ADAMTSL2: variants seen among roughly 807,000 people sequenced by gnomAD.
The protein encoded by ADAMTSL2 is ADAMTS-like protein 2.
A neutral mutation model predicts 117.0 loss-of-function variants in ADAMTSL2; 55 were observed. The ratio of observed to expected loss-of-function variants is 0.47; its 90% confidence interval spans 0.38 to 0.59. The LOEUF (loss-of-function observed/expected upper bound fraction) is 0.59. Among genes scored for constraint, ADAMTSL2 ranks in the 20% least tolerant of loss-of-function variants. The probability of loss-of-function intolerance (pLI) is 0.00; values close to 1 mark genes in which losing one functional copy is unlikely to be tolerated. For synonymous variants in ADAMTSL2, 572 were observed against 566.4 expected, an observed-to-expected ratio of 1.01 and a Z score of -0.14; for missense variants, 1,182 against 1,354.5, an observed-to-expected ratio of 0.87 and a Z score of 2.00.
intron 12 of ADAMTSL2, among the ~76,000 whole-genome samples, chr9:133,562,432 G>A (rs1177276981): frequency 1.3e-5 from 2 of 151,242 alleles, no homozygotes; most frequent in Non-Finnish European, 3.0e-5. Context: ...GCGGCGTGGC[G>A]GGCACCCGGC....
At chr9:133,534,459 C>T (rs955325405), upstream of ADAMTSL2, 3 of 346,938 alleles carry the variant, frequency 8.6e-6, no homozygotes, top group Non-Finnish European at 5.1e-6. Flanking sequence ...GTCTGGACAC[C>T]CGACATGTGG....
chr9:133,570,366 GCTGGTGCT>G lies in ADAMTSL2; in HGVS notation c.2455_2462del (p.Val819HisfsTer82). ...CCTGCGGGCGCGGGGTCAAGAAGCGGCTGGTGCTCTGCATGGAGCTGGCCAACGGGAAG... is the reference window on the plus strand; with the variant it reads ...CCTGCGGGCGCGGGGTCAAGAAGCGGCTGCATGGAGCTGGCCAACGGGAAG... On this transcript the variant is annotated frameshift_variant, in exon 17 of 19. Coordinates refer to ENST00000651351, the MANE Select transcript of ADAMTSL2 (RefSeq NM_014694.4). LOFTEE classifies it high-confidence loss of function. 1 of 1,554,270 alleles carries G rather than the reference GCTGGTGCT, an allele frequency of 6.4e-7. No individual in the cohort carries two copies. Among genetic ancestry groups the G allele is most frequent in the East Asian group, 2.4e-5 (1 of 41,156 alleles).
At chr9:133,553,918 C>T (rs1830544971) in intron 9 of ADAMTSL2, among the ~76,000 whole-genome samples, 1 of 152,232 alleles carries the variant, frequency 6.6e-6, no homozygotes, top group Non-Finnish European at 1.5e-5. Flanking sequence ...TCCCACCTGG[C>T]CTGGGCAGTG....
At position 133,540,606 on chromosome 9, in the gene ADAMTSL2, G is replaced by A. The variant is rs1830194297; in HGVS notation, c.421G>A (p.Val141Ile). 5 of 1,613,526 alleles carry A rather than the reference G, an allele frequency of 3.1e-6. No individual in the cohort carries two copies. Among genetic ancestry groups the A allele is most frequent in the Non-Finnish European group, 4.2e-6 (5 of 1,180,022 alleles). The change falls in exon 6 of 19, where the codon GTC (valine) becomes ATC (isoleucine). Residue 141 changes from valine to isoleucine, a missense_variant. Val to Ile is a conservative substitution (Grantham distance 29). This residue lies in a region of ADAMTSL2 where 372 missense variants were observed against 463.4 expected (regional missense o/e 0.80). Coordinates refer to ENST00000651351, the MANE Select transcript of ADAMTSL2 (RefSeq NM_014694.4). ...QWKPLYPDDY[V>I]HISSKPCDLH... is the part of the protein sequence containing the mutation. ...TTGTCTCCCTCCACCAGATGACTAT[G>A]TCCACATCTCCAGCAAACCGTGTGA...
At position 133,539,844 on chromosome 9, in the gene ADAMTSL2, G is replaced by A. The variant is rs563057495; in HGVS notation, c.383G>A (p.Arg128Gln). The change falls in exon 5 of 19, where the codon CGG becomes CAG. Residue 128 changes from arginine to glutamine, a missense_variant. Transcript: ENST00000651351. ...TTCAACTCCCACGTGTACAACGGGC[G>A]GACGCACCAGTGGAAGCCTCTGTAC... ...VSFNSHVYNGRTHQWKPLYPD... is the reference protein window; with the variant it reads ...VSFNSHVYNGQTHQWKPLYPD... 3.2e-5 allele frequency: 50 copies of A among 1,551,020 alleles called. No individual in the cohort carries two copies. In the East Asian group the frequency reaches 3.9e-4, roughly 12 times the overall value.
chr9:133,536,434 C>A, intron 1 of ADAMTSL2, 129 bp from the exon 2 acceptor site: 1 of 1,336,574 alleles, frequency 7.5e-7, no homozygotes, highest in Non-Finnish European at 1.0e-6. Context: ...GCCCTTGGAT[C>A]AAGGGTGGCA....
Position 133,575,250 on chromosome 9 carries a change from C to G in ADAMTSL2, c.*386C>G, listed in dbSNP as rs1435700109. ...CCACGCCCTCTCTGGGTGGCAGGGC[C>G]TTCTGAAGGAAACTTGCAGGCGAGC... is the stretch of plus-strand genomic sequence containing the variant. On this transcript the variant is annotated 3_prime_UTR_variant, in exon 19 of 19. Transcript: ENST00000651351. The G allele has an allele frequency of 7.8e-6, 2 of 255,654 alleles. No homozygotes were observed. Among genetic ancestry groups the G allele is most frequent in the Non-Finnish European group, 1.5e-5 (2 of 130,092 alleles). 15.8% of individuals were successfully genotyped at this position (255,654 alleles called of 1,614,324 possible). A position where few individuals can be genotyped will look rare whatever the true frequency, so the allele number is the denominator to read the frequency against.
rs370480318 is a variant in ADAMTSL2 at position 133,554,491 on chromosome 9, C to T, written c.1074C>T (p.Ala358=). 1.6e-4 allele frequency: 245 copies of T among 1,551,122 alleles called. 1 individual carries two copies. Among genetic ancestry groups the T allele is most frequent in the Admixed American group, 1.4e-4 (7 of 51,214 alleles). Residue 358 remains alanine (A), a synonymous_variant, in exon 10 of 19, where the codon GCC becomes GCT. Transcript: ENST00000651351. This position sits in a 1 kb window ranked among gnomAD's most constrained non-coding sequence, Gnocchi z 5.2. ...ESAESQGLDG[A]GLMGFVPHNG... ...CTGAGAGCCAGGGCCTGGACGGGGC[C>T]GGGCTGATGGGCTTCGTCCCGCACA...
intron 12 of ADAMTSL2, among the ~76,000 whole-genome samples, chr9:133,562,508 G>A (rs1217690735): frequency 7.2e-6 from 1 of 139,674 alleles, no homozygotes; most frequent in Admixed American, 7.0e-5. Flanking sequence ...TCGCACCGCC[G>A]TGGGCGGCGT....
At chr9:133,542,508 C>T (rs1199855450) in intron 7 of ADAMTSL2, among the ~76,000 whole-genome samples, 1 of 152,194 alleles carries the variant, frequency 6.6e-6, no homozygotes, top group Non-Finnish European at 1.5e-5. Context: ...AGATAGGGCT[C>T]ATGTCCTCGT....
At chr9:133,565,041 C>T (rs1472233771) in intron 12 of ADAMTSL2, among the ~76,000 whole-genome samples, 1 of 152,114 alleles carries the variant, frequency 6.6e-6, no homozygotes, top group Admixed American at 6.5e-5. Flanking sequence ...TGAGTTTGGC[C>T]TCGGCTCAGG....
Position 133,540,642 on chromosome 9 carries a change from A to G in ADAMTSL2, c.457A>G (p.Thr153Ala). The change falls in exon 6 of 19, where the codon ACC becomes GCC. Residue 153 changes from threonine (T) to alanine (A), a missense_variant. Thr to Ala is a moderately conservative substitution (Grantham distance 58, BLOSUM62 0). Around this residue, in one of 3 missense-constraint regions of ADAMTSL2, gnomAD observed 372 missense variants for 463.4 expected, o/e 0.80. Transcript: ENST00000651351. ...ISSKPCDLHCTTVDGQRQLMV... is the reference protein window; with the variant it reads ...ISSKPCDLHCATVDGQRQLMV... The stretch of plus-strand genomic sequence containing the variant: ...CAGCAAACCGTGTGACCTGCACTGT[A>G]CCACCGTGGACGGCCAGCGGCAGCT... 2 of 1,613,642 alleles carry G rather than the reference A, an allele frequency of 1.2e-6. No homozygotes were observed. Among genetic ancestry groups the G allele is most frequent in the African/African-American group, 2.7e-5 (2 of 75,038 alleles).
At chr9:133,572,102 G>A (rs942563103) in intron 17 of ADAMTSL2, among the ~76,000 whole-genome samples, 1 of 152,284 alleles carries the variant, frequency 6.6e-6, no homozygotes, top group Admixed American at 6.5e-5. Flanking sequence ...TTGGGGTCCA[G>A]GCCCCGGGCC....
chr9:133,543,329 T>G (rs1466954221), intron 7 of ADAMTSL2, among the ~76,000 whole-genome samples: 1 of 152,202 alleles, frequency 6.6e-6, no homozygotes, highest in East Asian at 1.9e-4. Flanking sequence ...AAACATAGCT[T>G]CAGTCGCTTG....
At chr9:133,548,582 GA>G (rs1233056241) in intron 9 of ADAMTSL2, among the ~76,000 whole-genome samples, 4 of 151,954 alleles carry the variant, frequency 2.6e-5, no homozygotes, top group African/African-American at 9.7e-5. Flanking sequence ...GGACTAGACA[GA>G]GGGAGCAGCT....
rs567573332 is a variant in ADAMTSL2 at position 133,543,034 on chromosome 9, C to T, written c.683-1436C>T. On this transcript the variant is annotated intron_variant, in intron 7 of 18. Coordinates refer to ENST00000651351, the MANE Select transcript of ADAMTSL2 (RefSeq NM_014694.4). ...TGCGATCTCGGCTTTCTGCAACCTC[C>T]GCCTTCTGGGTTCCAGCGATTCTCC... Among the ~76,000 whole-genome samples the T allele has an allele frequency of 4.6e-5, 7 of 152,116 alleles. No homozygotes were observed. In the South Asian group the frequency reaches 1.0e-3, roughly 23 times the overall value.
chr9:133,549,687 T>A (rs1206380759), intron 9 of ADAMTSL2, among the ~76,000 whole-genome samples: 1 of 152,042 alleles, frequency 6.6e-6, no homozygotes, highest in Admixed American at 6.5e-5. Context: ...CCTTGGCCTG[T>A]CTGCTCTTGA....
intron 9 of ADAMTSL2, among the ~76,000 whole-genome samples, chr9:133,550,674 T>C (rs1830461129): frequency 7.3e-6 from 1 of 136,310 alleles, no homozygotes; most frequent in African/African-American, 2.8e-5. Context: ...AGGCTTAGTG[T>C]TGAGGCCAGA....
intron 11 of ADAMTSL2, among the ~76,000 whole-genome samples, chr9:133,556,903 T>A (rs1342980454): frequency 3.0e-4 from 46 of 152,232 alleles, no homozygotes; most frequent in African/African-American, 1.0e-3. Flanking sequence ...CCCTTGCAGG[T>A]CCCCACAGTT....
Sources: gnomAD v4.1 joint callset for allele counts (sites outside exome capture counted in the v4.1 genomes callset) on GRCh38, gnomAD v4.1.1 for gene constraint, gnomAD v4.1.1 regional missense constraint, Gnocchi (gnomAD v3.1) non-coding constraint, MANE v1.5 for transcripts, NCBI Gene and HGNC (gene_info 2026-07-23, HGNC 2026-07-21) for gene names.